The following SIPA1L3 variants were observed in gnomAD, a reference collection of about 807,000 sequenced individuals.
The protein encoded by SIPA1L3 is signal-induced proliferation-associated 1-like protein 3.
SIPA1L3 carries 59 observed loss-of-function variants against 150.1 expected under a neutral mutation model. The ratio of observed to expected loss-of-function variants is 0.39; its 90% CI spans 0.32 to 0.49. SIPA1L3 has a LOEUF of 0.49. Among genes scored for constraint, SIPA1L3 ranks in the 20% least tolerant of loss-of-function variants. The pLI is 0.86. For missense variants in SIPA1L3, 2,211 were observed against 2,489.5 expected, an observed-to-expected ratio of 0.89 and a Z score of 2.38; for synonymous variants, 1,070 against 1,077.6, an observed-to-expected ratio of 0.99 and a Z score of 0.14.
intron 1 of SIPA1L3, among the ~76,000 whole-genome samples, chr19:38,007,465 A>G (rs1436963741): frequency 1.5e-4 from 21 of 142,532 alleles, no homozygotes; most frequent in South Asian, 4.6e-4. Context: ...AAAAAAAAAA[A>G]AGAAAGAAAA....
intron 1 of SIPA1L3, among the ~76,000 whole-genome samples, chr19:37,975,966 G>C (rs571943633): frequency 6.6e-6 from 1 of 152,098 alleles, no homozygotes; most frequent in African/African-American, 2.4e-5. Flanking sequence ...TTAGTCATGC[G>C]TGGTGGCGGG....
chr19:38,081,270 C>T lies in SIPA1L3; in HGVS notation c.-296C>T, dbSNP rs1322045031. The T allele has an allele frequency of 2.4e-6, 1 of 418,670 alleles. No homozygotes were observed. Among genetic ancestry groups the T allele is most frequent in the Non-Finnish European group, 4.2e-6 (1 of 236,730 alleles). The allele number at this position is 418,670 out of a possible 1,614,324, so 25.9% of individuals were successfully genotyped here. On this transcript the variant is annotated 5_prime_UTR_variant, in exon 3 of 22. Coordinates refer to ENST00000222345, the MANE Select transcript of SIPA1L3 (RefSeq NM_015073.3). ...TTCCATTTCAGCATGGCGAGGACAA[C>T]ATCCTTGCTGCCTCCAGCTGGCGGG...
At chr19:38,180,791 C>T (rs940995280) in intron 15 of SIPA1L3, among the ~76,000 whole-genome samples, 37 of 151,984 alleles carry the variant, frequency 2.4e-4, no homozygotes, top group African/African-American at 8.2e-4. Flanking sequence ...GTTATCTGCC[C>T]GCCTTGGCCT....
chr19:38,107,812 A>G (rs1201501169), intron 7 of SIPA1L3, among the ~76,000 whole-genome samples: 1 of 152,046 alleles, frequency 6.6e-6, no homozygotes, highest in African/African-American at 2.4e-5. Context: ...CCCCATCTTT[A>G]CTAAAAATAC....
At chr19:38,027,144 T>A (rs908547621) in intron 1 of SIPA1L3, among the ~76,000 whole-genome samples, 4 of 152,086 alleles carry the variant, frequency 2.6e-5, no homozygotes, top group African/African-American at 9.7e-5. Context: ...ATACAAAAAT[T>A]ACCTGGGGTG....
In SIPA1L3 at chr19:38,141,304, A is replaced by G. The variant is rs1971576438; in HGVS notation, c.3264A>G (p.Ala1088=). Residue 1088 remains alanine (A), a synonymous_variant, in exon 11 of 22, where the codon GCA becomes GCG. Coordinates refer to ENST00000222345, the MANE Select transcript of SIPA1L3 (RefSeq NM_015073.3). The part of the protein sequence containing the change: ...SNAPWQWSGP[A]SHNSLPASKW... ...CTCCCTGGCAGTGGAGCGGGCCCGC[A>G]TCCCATAACTCTCTACCAGCCTCCA... 3 of 1,613,836 alleles carry G rather than the reference A, an allele frequency of 1.9e-6. No individual in the cohort carries two copies. The highest frequency in any genetic ancestry group is 2.5e-6 in the Non-Finnish European group (3 of 1,179,914).
chr19:38,027,447 G>C (rs1304573169), intron 1 of SIPA1L3, among the ~76,000 whole-genome samples: 2 of 152,178 alleles, frequency 1.3e-5, no homozygotes, highest in African/African-American at 2.4e-5. Context: ...TGGGGTGTTA[G>C]CTAGCTGCTT....
At chr19:38,162,067 C>A (rs1210284056) in intron 13 of SIPA1L3, among the ~76,000 whole-genome samples, 186 bp from the exon 14 acceptor site, 1 of 152,184 alleles carries the variant, frequency 6.6e-6, no homozygotes, top group Non-Finnish European at 1.5e-5. Context: ...CAGTGAGGCC[C>A]TCAGAACGGT....
At chr19:38,087,489 C>A (rs1285238149) in intron 3 of SIPA1L3, among the ~76,000 whole-genome samples, 2 of 152,162 alleles carry the variant, frequency 1.3e-5, no homozygotes, top group African/African-American at 2.4e-5. Flanking sequence ...TGTACCAGTA[C>A]AATTTCCGGT....
At chr19:38,189,307 A>G (rs1033601409) in intron 16 of SIPA1L3, among the ~76,000 whole-genome samples, 15 of 151,908 alleles carry the variant, frequency 9.9e-5, no homozygotes, top group Non-Finnish European at 1.8e-4. Flanking sequence ...TACTTTTTGT[A>G]GAGGTGAGAT....
At position 38,142,115 on chromosome 19, in the gene SIPA1L3, C is replaced by G. The variant is rs570786695; in HGVS notation, c.3396-458C>G. ...ACAGGTAGATGTTAGCACCACCGTT[C>G]TAGTCCTGGGGTTGGCTGGTAGCTT... On this transcript the variant is annotated intron_variant, in intron 11 of 21. Transcript: ENST00000222345. Among the ~76,000 whole-genome samples the G allele has an allele frequency of 4.6e-5, 7 of 152,322 alleles. No homozygotes were observed. In the South Asian group the frequency reaches 1.0e-3, roughly 23 times the overall value.
At chr19:37,990,136 G>C (rs1019078424) in intron 1 of SIPA1L3, among the ~76,000 whole-genome samples, 1 of 151,938 alleles carries the variant, frequency 6.6e-6, no homozygotes, top group Non-Finnish European at 1.5e-5. Flanking sequence ...TCTGCCCTAC[G>C]GCCGCATGCC....
At chr19:38,139,709 G>T (rs1971526219) in intron 10 of SIPA1L3, among the ~76,000 whole-genome samples, 1 of 152,186 alleles carries the variant, frequency 6.6e-6, no homozygotes, top group Non-Finnish European at 1.5e-5. Flanking sequence ...TGCTATGACA[G>T]AATATATGAG....
chr19:38,065,744 C>T (rs1242887233), intron 2 of SIPA1L3, among the ~76,000 whole-genome samples: 2 of 152,068 alleles, frequency 1.3e-5, no homozygotes, highest in African/African-American at 2.4e-5. Flanking sequence ...CCATGCTTGG[C>T]GTGCAGTGAG....
At position 38,164,057 on chromosome 19, in the gene SIPA1L3, C is replaced by T. The variant is rs879875038; in HGVS notation, c.3781-422C>T. On this transcript the variant is annotated intron_variant, in intron 14 of 21. Coordinates refer to ENST00000222345, the MANE Select transcript of SIPA1L3 (RefSeq NM_015073.3). This position sits in a 1 kb window ranked among gnomAD's most constrained non-coding sequence, Gnocchi z 4.1. ...GGATCTGTGTTGAGGACGCGGGCAG[C>T]AGGGTTTGCTAGTGGGCTGGACATG... 7.9e-5 allele frequency among the ~76,000 whole-genome samples: 12 copies of T among 152,256 alleles called. No individual in the cohort carries two copies. Among genetic ancestry groups the T allele is most frequent in the Middle Eastern group, 3.4e-3 (1 of 294 alleles).
rs372852915 is a variant in SIPA1L3, at chr19:38,088,202, A to C, written c.1535-519A>C. 3.3e-5 allele frequency among the ~76,000 whole-genome samples: 5 copies of C among 152,206 alleles called. No homozygotes were observed. In the East Asian group the frequency reaches 9.6e-4, roughly 29 times the overall value. On this transcript the variant is annotated intron_variant, in intron 3 of 21. Transcript: ENST00000222345. ...GAAGGCTGGGTCCACCTTTAACTTT[A>C]CGGCTGAAAATGCTATCTAGCGACT...
chr19:38,151,268 A>G (rs1971816699), intron 12 of SIPA1L3, among the ~76,000 whole-genome samples: 1 of 152,180 alleles, frequency 6.6e-6, no homozygotes, highest in Non-Finnish European at 1.5e-5. Flanking sequence ...GACACCTGAA[A>G]GTCTCCGTGG....
At chr19:37,995,781 G>T (rs1268628983) in intron 1 of SIPA1L3, among the ~76,000 whole-genome samples, 1 of 152,204 alleles carries the variant, frequency 6.6e-6, no homozygotes, top group Admixed American at 6.5e-5. Context: ...TGTAGGAGGG[G>T]AGCTTCAGAT....
At chr19:38,004,204 G>A (rs1394393573) in intron 1 of SIPA1L3, among the ~76,000 whole-genome samples, 1 of 152,166 alleles carries the variant, frequency 6.6e-6, no homozygotes, top group African/African-American at 2.4e-5. Context: ...CTGGGGAGGC[G>A]GTGGGCAAGT....
Sources: allele counts gnomAD v4.1 joint callset (sites outside exome capture counted in the v4.1 genomes callset), GRCh38; gene constraint gnomAD v4.1.1; non-coding constraint Gnocchi (gnomAD v3.1); transcripts MANE v1.5; gene names NCBI Gene and HGNC (gene_info 2026-07-23, HGNC 2026-07-21).